The following SARDH variants were observed in gnomAD, a reference collection of about 807,000 sequenced individuals.
The protein encoded by SARDH is sarcosine dehydrogenase.
Under a neutral mutation model 109.1 loss-of-function variants are expected in SARDH, and 95 were observed. The ratio of observed to expected loss-of-function variants is 0.87; its 90% CI spans 0.74 to 1.03. The LOEUF is 1.03. Ranked by LOEUF, SARDH falls within the 50% of genes least tolerant of loss-of-function variation. SARDH has a pLI of 0.00. For synonymous variants in SARDH, 572 were observed against 534.8 expected (o/e 1.07, Z -0.96); for missense variants, 1,267 against 1,287.8 (o/e 0.98, Z 0.25).
intron 6 of SARDH, among the ~76,000 whole-genome samples, chr9:133,719,893 C>T (rs918731966): frequency 1.3e-5 from 2 of 151,568 alleles, no homozygotes; most frequent in East Asian, 3.9e-4. Context: ...AGGCAGATCA[C>T]GAGGTCAGGA....
intron 6 of SARDH, among the ~76,000 whole-genome samples, chr9:133,726,635 C>T (rs925860138): frequency 6.6e-6 from 1 of 152,122 alleles, no homozygotes; most frequent in Non-Finnish European, 1.5e-5. Context: ...GGAGCCCTGG[C>T]CTTTCTCTCC....
chr9:133,731,756 C>T (rs1445100977), intron 3 of SARDH, among the ~76,000 whole-genome samples: 1 of 152,224 alleles, frequency 6.6e-6, no homozygotes, highest in Non-Finnish European at 1.5e-5. Context: ...GCTTCAGGCT[C>T]ACTCAGGTGA....
rs1588436017 is a variant in SARDH at position 133,712,469 on chromosome 9, C to T, written c.1328+150G>A. On this transcript the variant is annotated intron_variant, in intron 10 of 20. Coordinates refer to ENST00000439388, the MANE Select transcript of SARDH (RefSeq NM_001134707.2). The surrounding 1 kb of genome is among the most constrained non-coding windows in gnomAD (Gnocchi z 4.1). Reference sequence around the variant, plus strand: ...CCACCCCCTCAGCACTGCCCACCTTCTGCTGGTGGCCTTCCTCCCTCACTG... The same window carrying T: ...CCACCCCCTCAGCACTGCCCACCTTTTGCTGGTGGCCTTCCTCCCTCACTG... The T allele has an allele frequency of 3.7e-5, 24 of 656,146 alleles. No homozygotes were observed. The East Asian group carries it at 6.3e-4, about 17-fold the overall frequency. The allele number at this position is 656,146 out of a possible 1,614,324, so 40.6% of individuals were successfully genotyped here.
chr9:133,713,158 T>C lies in SARDH; in HGVS notation c.1151-34A>G, dbSNP rs377339316. 793 of 1,574,626 alleles carry C rather than the reference T, an allele frequency of 5.0e-4. 2 individuals are homozygous for C. The highest frequency in any genetic ancestry group is 6.6e-4 in the Non-Finnish European group (754 of 1,149,018). ...AGGAGAGAGAGGCCTGGAGTCCCTTTTGCAGTGCACATACTCTTGGGGTGA... is the reference window on the plus strand; with the variant it reads ...AGGAGAGAGAGGCCTGGAGTCCCTTCTGCAGTGCACATACTCTTGGGGTGA... On this transcript the variant is annotated intron_variant, in intron 8 of 20. Transcript: ENST00000439388.
intron 20 of SARDH, among the ~76,000 whole-genome samples, chr9:133,664,572 C>T (rs1041442269): frequency 3.9e-5 from 6 of 152,104 alleles, no homozygotes; most frequent in Admixed American, 6.5e-5. Context: ...CAGCTGGTGA[C>T]GCCTGGCACT....
chr9:133,725,690 A>AAAAC (rs150689824), intron 6 of SARDH: 77,324 of 258,538 alleles, frequency 0.3, 13,245 homozygotes, highest in Non-Finnish European at 0.36. Context: ...AAAACAAAAC[A>AAAAC]AAACAAACAA....
chr9:133,683,290 G>T (rs966876482), intron 17 of SARDH, among the ~76,000 whole-genome samples: 3 of 152,328 alleles, frequency 2.0e-5, no homozygotes, highest in African/African-American at 7.2e-5. Flanking sequence ...CCGTGCGGGT[G>T]GGGGCAAGGC....
chr9:133,663,912 T>C lies in SARDH; in HGVS notation c.2734A>G (p.Lys912Glu). 1.9e-6 allele frequency: 3 copies of C among 1,613,924 alleles called. No individual in the cohort carries two copies. The highest frequency in any genetic ancestry group is 2.5e-6 in the Non-Finnish European group (3 of 1,179,942). The change falls in exon 21 of 21, where the codon AAG becomes GAG. Residue 912 changes from lysine to glutamate, a missense_variant. Lys to Glu is a moderately conservative substitution (Grantham distance 56). Transcript: ENST00000439388. ...HLKSPFDPNNKRVKGIY is the reference protein window; with the variant it reads ...HLKSPFDPNNERVKGIY The stretch of plus-strand genomic sequence containing the variant: ...CCTCAGTAGATTCCCTTCACCCTCT[T>C]GTTGTTGGGGTCGAAGGGCGACTTC...
intron 17 of SARDH, among the ~76,000 whole-genome samples, chr9:133,682,480 C>A (rs3025448): frequency 0.037 from 5,632 of 152,304 alleles, 142 homozygotes; most frequent in Admixed American, 0.054. Context: ...CCCCAACGGT[C>A]CTCTGAGATG....
intron 10 of SARDH, among the ~76,000 whole-genome samples, chr9:133,711,122 C>A (rs1425157575): frequency 1.3e-5 from 2 of 152,244 alleles, no homozygotes; most frequent in African/African-American, 4.8e-5. Flanking sequence ...TGCCAGGGGT[C>A]GCCTCAGGGC....
chr9:133,665,706 G>A (rs530622292), intron 20 of SARDH, among the ~76,000 whole-genome samples: 103 of 152,204 alleles, frequency 6.8e-4, no homozygotes, highest in Non-Finnish European at 1.4e-3. Context: ...GAGGCCTGGC[G>A]GTGTCCCCTC....
intron 10 of SARDH, among the ~76,000 whole-genome samples, chr9:133,710,964 C>T (rs942184533): frequency 6.6e-6 from 1 of 152,230 alleles, no homozygotes; most frequent in African/African-American, 2.4e-5. Context: ...GGTGGGTGCT[C>T]CTCCTCCTGC....
At position 133,731,564 on chromosome 9, in the gene SARDH, C is replaced by T. The variant is rs1185688600; in HGVS notation, c.511-80G>A. The T allele has an allele frequency of 5.7e-6, 8 of 1,412,670 alleles. No homozygotes were observed. In the Admixed American group the frequency reaches 1.5e-4, roughly 26 times the overall value. 87.5% of individuals were successfully genotyped at this position (1,412,670 alleles called of 1,614,324 possible). ...ACTCCCCTCCCCAACTGGGCATCCA[C>T]CGCAAACCCCAGCCTCACTTTCTCC... On this transcript the variant is annotated intron_variant, in intron 3 of 20. Transcript: ENST00000439388.
chr9:133,659,788 GGA>G (rs1325518857), downstream of SARDH, among the ~76,000 whole-genome samples: 1 of 152,048 alleles, frequency 6.6e-6, no homozygotes, highest in Non-Finnish European at 1.5e-5. Flanking sequence ...GCCCCAGCCT[GGA>G]GAGCCACTCC....
At chr9:133,680,831 C>T (rs755211829) in intron 17 of SARDH, among the ~76,000 whole-genome samples, 3 of 152,012 alleles carry the variant, frequency 2.0e-5, no homozygotes, top group African/African-American at 7.2e-5. Context: ...AGAGAGCTGC[C>T]GGGAGGACAA....
chr9:133,710,287 AG>A (rs1342300180), intron 10 of SARDH, among the ~76,000 whole-genome samples: 2 of 152,232 alleles, frequency 1.3e-5, no homozygotes, highest in African/African-American at 4.8e-5. Context: ...CGACTGACCA[AG>A]GGCCATGCAG....
intron 17 of SARDH, among the ~76,000 whole-genome samples, chr9:133,678,188 A>G (rs1273430178): frequency 6.6e-6 from 1 of 152,176 alleles, no homozygotes; most frequent in Non-Finnish European, 1.5e-5. Context: ...TGGGCCACAC[A>G]GCACTGGTAC....
Position 133,733,881 on chromosome 9 carries a change from C to G in SARDH, c.293G>C (p.Arg98Pro). ...GGTGGTCCCGGAGGTCAGCCGCTCC[C>G]GCTCCAGCAGCACCGCCCCACTCAT... ...LGMSGAVLLE[R>P]ERLTSGTTWH... Residue 98 changes from arginine to proline, a missense_variant, in exon 2 of 21, where the codon CGG (arginine) becomes CCG (proline). Physicochemically the swap from Arg to Pro is moderately radical, Grantham distance 103. Coordinates refer to ENST00000439388, the MANE Select transcript of SARDH (RefSeq NM_001134707.2). 1 of 1,498,496 alleles carries G rather than the reference C, an allele frequency of 6.7e-7. No homozygotes were observed. The highest frequency in any genetic ancestry group is 8.9e-7 in the Non-Finnish European group (1 of 1,124,148). 92.8% of individuals were successfully genotyped at this position (1,498,496 alleles called of 1,614,324 possible).
At chr9:133,724,556 C>G (rs1832426929) in intron 6 of SARDH, among the ~76,000 whole-genome samples, 1 of 152,120 alleles carries the variant, frequency 6.6e-6, no homozygotes, top group Non-Finnish European at 1.5e-5. Context: ...CTCCGTATAC[C>G]TCACTGGTGG....
Sources: allele counts gnomAD v4.1 joint callset (sites outside exome capture counted in the v4.1 genomes callset), GRCh38; gene constraint gnomAD v4.1.1; non-coding constraint Gnocchi (gnomAD v3.1); transcripts MANE v1.5; gene names NCBI Gene and HGNC (gene_info 2026-07-23, HGNC 2026-07-21).